Variants in LRRC1 observed in about 807,000 individuals in gnomAD.
The protein encoded by LRRC1 is leucine rich repeat containing 1, also known as leucine-rich repeat-containing protein 1.
In LRRC1, 28 loss-of-function variants were observed where a neutral mutation model predicts 69.9. The observed-to-expected ratio is 0.40, with a 90% confidence interval of 0.30 to 0.55. The LOEUF (loss-of-function observed/expected upper bound fraction) is 0.55, where lower values mean the gene tolerates loss of function less well. Among genes scored for constraint, LRRC1 ranks in the 20% least tolerant of loss-of-function variants. The pLI is 0.47. For synonymous variants in LRRC1, 236 were observed against 240.2 expected (o/e 0.98, Z 0.16); for missense variants, 498 against 609.0 (o/e 0.82, Z 1.92).
In LRRC1 at chr6:53,913,902, C is replaced by A. The variant is rs1211824451; in HGVS notation, c.1039C>A (p.Leu347Ile). Residue 347 changes from leucine (L) to isoleucine (I), a missense_variant, in exon 11 of 14, where the codon CTA becomes ATA. Physicochemically the swap from Leu to Ile is conservative, Grantham distance 5. Around this residue, in one of 3 missense-constraint regions of LRRC1, gnomAD observed 266 missense variants for 383.9 expected, o/e 0.69. Coordinates refer to ENST00000370888, the MANE Select transcript of LRRC1 (RefSeq NM_018214.5). Reference sequence around the variant, plus strand: ...TGTGTTCTGTGTACGTGACAACAGACTAACTCGGATACCTGCAGAGGTGTC... The same window carrying A: ...TGTGTTCTGTGTACGTGACAACAGAATAACTCGGATACCTGCAGAGGTGTC... ...LTVFCVRDNR[L>I]TRIPAEVSQA... 3 of 1,612,740 alleles carry A rather than the reference C, an allele frequency of 1.9e-6. No homozygotes were observed. Among genetic ancestry groups the A allele is most frequent in the Non-Finnish European group, 2.5e-6 (3 of 1,179,048 alleles).
rs1229891452 is a variant in LRRC1 at position 53,899,796 on chromosome 6, G to A, written c.692G>A (p.Arg231Lys). The change falls in exon 8 of 14, where the codon AGG (arginine) becomes AAG (lysine). Residue 231 changes from arginine (R) to lysine (K), a missense_variant. By Grantham distance (26) the Arg-to-Lys change is conservative. Coordinates refer to ENST00000370888, the MANE Select transcript of LRRC1 (RefSeq NM_018214.5). Reference protein sequence around the residue: ...NLLCLDVSENRLERLPEEISG... With the variant: ...NLLCLDVSENKLERLPEEISG... ...CTGTGTTTAGATGTCTCTGAAAACA[G>A]GTTGGAAAGACTTCCTGAAGAAATC... 1.2e-6 allele frequency: 2 copies of A among 1,614,070 alleles called. No individual in the cohort carries two copies. The highest frequency in any genetic ancestry group is 1.7e-5 in the Admixed American group (1 of 60,002).
chr6:53,909,019 T>C (rs755011524), intron 10 of LRRC1, among the ~76,000 whole-genome samples: 114 of 152,320 alleles, frequency 7.5e-4, no homozygotes, highest in Non-Finnish European at 1.4e-3. Context: ...GTAAAAACTT[T>C]AGAAATGTGC....
chr6:53,802,721 A>G (rs1764520699), intron 1 of LRRC1, among the ~76,000 whole-genome samples: 1 of 152,134 alleles, frequency 6.6e-6, no homozygotes, highest in Admixed American at 6.6e-5. Context: ...AGTAATATGA[A>G]TGTATATTTA....
Position 53,903,154 on chromosome 6 carries a change from G to T in LRRC1, c.906+407G>T, listed in dbSNP as rs528860324. On this transcript the variant is annotated intron_variant, in intron 9 of 13. Transcript: ENST00000370888. ...GAAGAGCAGGAGAGAAGAGGAACGA[G>T]ATGGACGTTGGCCAGGAAAAGCCTT... Among the ~76,000 whole-genome samples, 17 of 152,316 alleles carry T rather than the reference G, an allele frequency of 1.1e-4. 1 individual carries two copies. In the South Asian group the frequency reaches 2.7e-3, roughly 24 times the overall value.
rs989406065 is a variant in LRRC1 at position 53,902,551 on chromosome 6, A to G, written c.788-78A>G. 22 of 848,622 alleles carry G rather than the reference A, an allele frequency of 2.6e-5. No homozygotes were observed. The African/African-American group carries it at 2.9e-4, about 11-fold the overall frequency. 52.6% of individuals were successfully genotyped at this position (848,622 alleles called of 1,614,324 possible). On this transcript the variant is annotated intron_variant, in intron 8 of 13. Coordinates refer to ENST00000370888, the MANE Select transcript of LRRC1 (RefSeq NM_018214.5). Reference sequence around the variant, plus strand: ...CTGTTTAAAACAAAAAGAACAGCAGATAGGAAATTCCAAGCAGTGATTATG... The same window carrying G: ...CTGTTTAAAACAAAAAGAACAGCAGGTAGGAAATTCCAAGCAGTGATTATG...
intron 4 of LRRC1, among the ~76,000 whole-genome samples, chr6:53,894,284 G>A (rs569256913): frequency 6.6e-6 from 1 of 152,300 alleles, no homozygotes; most frequent in Non-Finnish European, 1.5e-5. Flanking sequence ...AACCAGATGA[G>A]ATGGCTCACA....
intron 1 of LRRC1, among the ~76,000 whole-genome samples, chr6:53,831,849 C>T (rs570802341): frequency 1.3e-5 from 2 of 152,192 alleles, no homozygotes; most frequent in South Asian, 2.1e-4. Context: ...GTGGTATCGA[C>T]GTATTTGCTT....
At chr6:53,806,027 A>G (rs1172383065) in intron 1 of LRRC1, among the ~76,000 whole-genome samples, 1 of 152,054 alleles carries the variant, frequency 6.6e-6, no homozygotes, top group African/African-American at 2.4e-5. Flanking sequence ...CGTTTTTTGT[A>G]GTTCCGCCTG....
At chr6:53,855,915 A>G (rs9463988) in intron 2 of LRRC1, among the ~76,000 whole-genome samples, 69,162 of 151,952 alleles carry the variant, frequency 0.46, 15,992 homozygotes, top group Middle Eastern at 0.54. Flanking sequence ...GTTTTGAACA[A>G]TTGGAGCATG....
intron 8 of LRRC1, among the ~76,000 whole-genome samples, chr6:53,900,889 T>C (rs987675188): frequency 1.2e-4 from 19 of 152,246 alleles, no homozygotes; most frequent in Admixed American, 1.3e-4. Context: ...TTTAATTTTA[T>C]GCAGAACATC....
chr6:53,822,021 TA>T (rs1765131725), intron 1 of LRRC1, among the ~76,000 whole-genome samples: 1 of 152,094 alleles, frequency 6.6e-6, no homozygotes, highest in African/African-American at 2.4e-5. Flanking sequence ...TAAAACTTAT[TA>T]AAGAAAATAT....
In LRRC1 at chr6:53,900,026, T is replaced by TTTTTTG. The variant is rs1768001453; in HGVS notation, c.787+140_787+141insGTTTTT. 7.3e-5 allele frequency: 11 copies of TTTTTTG among 150,430 alleles called. No homozygotes were observed. The African/African-American group carries it at 1.6e-3, about 22-fold the overall frequency. 9.3% of individuals were successfully genotyped at this position (150,430 alleles called of 1,614,324 possible). A position where few individuals can be genotyped will look rare whatever the true frequency, so the allele number is the denominator to read the frequency against. On this transcript the variant is annotated intron_variant, in intron 8 of 13. Transcript: ENST00000370888. ...TCCTTAAAGTCTCCTTACTGTTTTT[T>TTTTTTG]TTTTTTTTTTTTTTTTTTTTTTTTT...
At chr6:53,869,359 G>A (rs1303176593) in intron 2 of LRRC1, among the ~76,000 whole-genome samples, 2 of 152,112 alleles carry the variant, frequency 1.3e-5, no homozygotes, top group Admixed American at 6.5e-5. Flanking sequence ...TTGTGGTCAG[G>A]CTAGACCTCA....
intron 13 of LRRC1, 56 bp downstream of exon 13, chr6:53,920,817 T>C: frequency 6.4e-7 from 1 of 1,574,156 alleles, no homozygotes; most frequent in Non-Finnish European, 8.7e-7. Flanking sequence ...AAGATTAGAA[T>C]GGCACCTAAT....
chr6:53,860,881 G>A (rs1766478863), intron 2 of LRRC1, among the ~76,000 whole-genome samples: 1 of 152,158 alleles, frequency 6.6e-6, no homozygotes, highest in Non-Finnish European at 1.5e-5. Context: ...AATGGGCAGG[G>A]CAACATGGAC....
chr6:53,881,198 G>T (rs1236375386), intron 3 of LRRC1, among the ~76,000 whole-genome samples: 26 of 152,164 alleles, frequency 1.7e-4, no homozygotes, highest in Admixed American at 1.7e-3. Context: ...CCTTAAAAAT[G>T]ATTTAGTTTG....
chr6:53,859,601 A>C (rs1766430550), intron 2 of LRRC1, among the ~76,000 whole-genome samples: 1 of 152,122 alleles, frequency 6.6e-6, no homozygotes, highest in Non-Finnish European at 1.5e-5. Flanking sequence ...ACGTCCAGAA[A>C]ATTATTTTTG....
At chr6:53,920,528 C>T in intron 12 of LRRC1, 97 bp from the exon 13 acceptor site, 1 of 1,378,728 alleles carries the variant, frequency 7.3e-7, no homozygotes, top group Non-Finnish European at 1.0e-6. Flanking sequence ...TACCCCTGGT[C>T]CTCCGTATAG....
At chr6:53,818,875 C>T (rs988060001) in intron 1 of LRRC1, among the ~76,000 whole-genome samples, 3 of 152,090 alleles carry the variant, frequency 2.0e-5, no homozygotes, top group Non-Finnish European at 4.4e-5. Flanking sequence ...GTGTGAATTA[C>T]TCAAGGCAGA....
Sources: gnomAD v4.1 joint callset for allele counts (sites outside exome capture counted in the v4.1 genomes callset) on GRCh38, gnomAD v4.1.1 for gene constraint, gnomAD v4.1.1 regional missense constraint, MANE v1.5 for transcripts, NCBI Gene and HGNC (gene_info 2026-07-23, HGNC 2026-07-21) for gene names.